SLC44A1: variants seen among roughly 807,000 people sequenced by gnomAD.
SLC44A1 encodes the protein choline transporter-like protein 1.
A neutral mutation model predicts 79.3 loss-of-function variants in SLC44A1; 26 were observed. That is an observed-to-expected ratio of 0.33 (90% confidence interval 0.24 to 0.46). The LOEUF is 0.46. SLC44A1 is among the 20% of genes least tolerant of loss of function. The probability of loss-of-function intolerance (pLI) is 1.00; values close to 1 mark genes in which losing one functional copy is unlikely to be tolerated. For missense variants in SLC44A1, 688 were observed against 798.1 expected, an observed-to-expected ratio of 0.86 and a Z score of 1.66; for synonymous variants, 263 against 286.2, an observed-to-expected ratio of 0.92 and a Z score of 0.82.
intron 15 of SLC44A1, among the ~76,000 whole-genome samples, chr9:105,430,690 G>T (rs1163157857): frequency 6.6e-6 from 1 of 152,100 alleles, no homozygotes; most frequent in Non-Finnish European, 1.5e-5. Flanking sequence ...ACTTAGGTTG[G>T]ATTTGCACCT....
At position 105,389,876 on chromosome 9, in the gene SLC44A1, C is replaced by CT; in HGVS notation, c.*823dup. 6.6e-7 allele frequency: 1 copy of CT among 1,504,682 alleles called. No homozygotes were observed. The highest frequency in any genetic ancestry group is 2.6e-5 in the East Asian group (1 of 37,846). 93.2% of individuals were successfully genotyped at this position (1,504,682 alleles called of 1,614,324 possible). On this transcript the variant is annotated 3_prime_UTR_variant, in exon 16 of 16. Transcript: ENST00000374720. The stretch of plus-strand genomic sequence containing the variant: ...AGCTGGGGCACCCAGCGAGTTTAGC[C>CT]TTTAAGTTTCTGTGTATTGATTTGC...
Position 105,348,515 on chromosome 9 carries a change from A to G in SLC44A1, c.500+64A>G, listed in dbSNP as rs1373872217. 5 of 1,003,296 alleles carry G rather than the reference A, an allele frequency of 5.0e-6. No individual in the cohort carries two copies. In the East Asian group the frequency reaches 9.6e-5, roughly 19 times the overall value. The allele number at this position is 1,003,296 out of a possible 1,614,324, so 62.1% of individuals were successfully genotyped here. Reference sequence around the variant, plus strand: ...TTTTTGTAGGTAAATTTTAAACAATATATGTTATTCTGAGAAAATAGTCAT... The same window carrying G: ...TTTTTGTAGGTAAATTTTAAACAATGTATGTTATTCTGAGAAAATAGTCAT... On this transcript the variant is annotated intron_variant, in intron 5 of 15. Transcript: ENST00000374720.
chr9:105,351,634 G>GAAAGAAAGAAAGAA (rs1827441084), intron 5 of SLC44A1, among the ~76,000 whole-genome samples: 1 of 133,180 alleles, frequency 7.5e-6, no homozygotes, highest in Admixed American at 7.3e-5. Flanking sequence ...GAGAGAAAGA[G>GAAAGAAAGAAAGAA]AAAGAAAGAA....
intron 3 of SLC44A1, among the ~76,000 whole-genome samples, chr9:105,314,236 G>A (rs542834017): frequency 6.6e-6 from 1 of 152,252 alleles, no homozygotes; most frequent in Non-Finnish European, 1.5e-5. Context: ...AGATTGGGGT[G>A]AGGGCAGGGA....
At position 105,321,883 on chromosome 9, in the gene SLC44A1, T is replaced by C. The variant is rs542255203; in HGVS notation, c.269+12017T>C. Among the ~76,000 whole-genome samples, 49 of 151,876 alleles carry C rather than the reference T, an allele frequency of 3.2e-4. 1 individual carries two copies. The South Asian group carries it at 0.01, about 31-fold the overall frequency. On this transcript the variant is annotated intron_variant, in intron 3 of 15. Coordinates refer to ENST00000374720, the MANE Select transcript of SLC44A1 (RefSeq NM_080546.5). ...AGTCTTAATATAGTAAAGATGACAA[T>C]ACTAACAAAGTTATTATATAGATTT...
intron 15 of SLC44A1, among the ~76,000 whole-genome samples, chr9:105,387,874 TG>T (rs1257105978): frequency 2.6e-4 from 39 of 152,234 alleles, no homozygotes; most frequent in Non-Finnish European, 5.1e-4. Flanking sequence ...GCCCAGGTTA[TG>T]TGGCATTCTA....
At chr9:105,344,838 A>G (rs1827200653) in intron 4 of SLC44A1, among the ~76,000 whole-genome samples, 1 of 152,184 alleles carries the variant, frequency 6.6e-6, no homozygotes, top group African/African-American at 2.4e-5. Flanking sequence ...GCTAAGTAGT[A>G]AATAGCTTTG....
At chr9:105,436,764 G>T (rs1362189256) in intron 15 of SLC44A1, among the ~76,000 whole-genome samples, 1 of 152,086 alleles carries the variant, frequency 6.6e-6, no homozygotes, top group East Asian at 1.9e-4. Context: ...CTGAGGCCGG[G>T]GGATCAGCAA....
intron 15 of SLC44A1, chr9:105,385,723 A>T: frequency 1.0e-6 from 1 of 985,446 alleles, no homozygotes; most frequent in Non-Finnish European, 1.2e-6. Context: ...AAGGAACAGC[A>T]TCCTCGTCAG....
At chr9:105,345,629 G>A (rs1373819744) in intron 4 of SLC44A1, among the ~76,000 whole-genome samples, 1 of 151,884 alleles carries the variant, frequency 6.6e-6, no homozygotes, top group Non-Finnish European at 1.5e-5. Context: ...ATACCTCTTA[G>A]GGGAGTTGAT....
intron 12 of SLC44A1, among the ~76,000 whole-genome samples, chr9:105,371,202 C>T (rs2131432550): frequency 6.6e-6 from 1 of 152,238 alleles, no homozygotes; most frequent in East Asian, 1.9e-4. Context: ...GGGTGGGTTC[C>T]ACATACAGTA....
intron 1 of SLC44A1, among the ~76,000 whole-genome samples, chr9:105,271,040 CTA>C (rs1421019976): frequency 4.6e-5 from 7 of 152,332 alleles, no homozygotes; most frequent in Admixed American, 4.6e-4. Flanking sequence ...TTGATGCCAT[CTA>C]TGTAATCAGT....
At chr9:105,380,726 C>A (rs973010254) in intron 13 of SLC44A1, among the ~76,000 whole-genome samples, 1 of 152,126 alleles carries the variant, frequency 6.6e-6, no homozygotes, top group African/African-American at 2.4e-5. Context: ...GTATCTCCAT[C>A]CATGTGGATC....
At chr9:105,342,087 C>A (rs1827110157) in intron 4 of SLC44A1, among the ~76,000 whole-genome samples, 1 of 152,170 alleles carries the variant, frequency 6.6e-6, no homozygotes, top group African/African-American at 2.4e-5. Flanking sequence ...CTACTTTCCT[C>A]CTTATTATAA....
At chr9:105,403,637 T>C (rs1828987405) in intron 15 of SLC44A1, among the ~76,000 whole-genome samples, 1 of 147,188 alleles carries the variant, frequency 6.8e-6, no homozygotes, top group South Asian at 2.3e-4. Context: ...AGCAGATGAT[T>C]GTAATCTAGT....
At chr9:105,383,736 TTCTC>T (rs1247097028) in intron 14 of SLC44A1, among the ~76,000 whole-genome samples, 1 of 152,246 alleles carries the variant, frequency 6.6e-6, no homozygotes, top group Non-Finnish European at 1.5e-5. Context: ...CTACCTGTCT[TTCTC>T]TATCCACCAC....
chr9:105,283,324 C>G (rs1830402466), intron 1 of SLC44A1, among the ~76,000 whole-genome samples: 1 of 152,116 alleles, frequency 6.6e-6, no homozygotes, highest in African/African-American at 2.4e-5. Context: ...AATTGTAGTT[C>G]TTTAATATTT....
At chr9:105,403,155 G>A (rs1188837825) in intron 15 of SLC44A1, among the ~76,000 whole-genome samples, 1 of 151,888 alleles carries the variant, frequency 6.6e-6, no homozygotes, top group Non-Finnish European at 1.5e-5. Context: ...TAAAAGCAAA[G>A]ACATAAACAG....
At chr9:105,282,766 C>T (rs866094704) in intron 1 of SLC44A1, among the ~76,000 whole-genome samples, 1 of 152,264 alleles carries the variant, frequency 6.6e-6, no homozygotes, top group Middle Eastern at 3.4e-3. Flanking sequence ...CCAGGCTGGT[C>T]TTGAACTCTG....
Sources: allele counts gnomAD v4.1 joint callset (sites outside exome capture counted in the v4.1 genomes callset), GRCh38; gene constraint gnomAD v4.1.1; transcripts MANE v1.5; gene names NCBI Gene and HGNC (gene_info 2026-07-23, HGNC 2026-07-21).